PECAM1: variants seen among roughly 807,000 people sequenced by gnomAD.
PECAM1 encodes the protein platelet and endothelial cell adhesion molecule 1.
In PECAM1, 8 loss-of-function variants were observed where a neutral mutation model predicts 13.8. The observed-to-expected ratio is 0.58, with a 90% CI of 0.34 to 1.05. The LOEUF is 1.05. Among genes scored for constraint, PECAM1 ranks in the 50% least tolerant of loss-of-function variants. The probability of loss-of-function intolerance (pLI) is 0.03; values close to 1 mark genes in which losing one functional copy is unlikely to be tolerated. For synonymous variants in PECAM1, 136 were observed against 52.6 expected, an observed-to-expected ratio of 2.58 and a Z score of -6.86; for missense variants, 304 against 141.2, an observed-to-expected ratio of 2.15 and a Z score of -5.84.
chr17:64,367,410 T>A (rs11650644), intron 5 of PECAM1, among the ~76,000 whole-genome samples: 3 of 151,194 alleles, frequency 2.0e-5, no homozygotes, highest in African/African-American at 4.9e-5. Flanking sequence ...ATTATCTAGG[T>A]GTGGTGGTGC....
chr17:64,345,252 T>C (rs1175413221), intron 13 of PECAM1, among the ~76,000 whole-genome samples: 2 of 152,198 alleles, frequency 1.3e-5, no homozygotes, highest in East Asian at 3.9e-4. Context: ...GGCAGATCAC[T>C]GAAGGTTAGG....
At chr17:64,335,402 G>GAA (rs1283100478) in intron 14 of PECAM1, among the ~76,000 whole-genome samples, 2 of 142,112 alleles carry the variant, frequency 1.4e-5, no homozygotes, top group African/African-American at 2.6e-5. Flanking sequence ...GACCCTGTCT[G>GAA]AAAAAAAAAA....
At chr17:64,355,981 A>G in intron 8 of PECAM1, 130 bp downstream of exon 8, 1 of 447,822 alleles carries the variant, frequency 2.2e-6, no homozygotes, top group Non-Finnish European at 4.0e-6. Context: ...AAGAGCCTGG[A>G]GGACATTACT....
rs1025875473 is a variant in PECAM1 at position 64,349,171 on chromosome 17, T to C, written c.2045-849A>G. On this transcript the variant is annotated intron_variant, in intron 12 of 15. Coordinates refer to ENST00000563924, the MANE Select transcript of PECAM1 (RefSeq NM_000442.5). ...TACACGTGAATGAAATCACTCAGGG[T>C]ACTAAGGTGAAAGCTAGAAAAGTAG... Among the ~76,000 whole-genome samples, 5 of 152,290 alleles carry C rather than the reference T, an allele frequency of 3.3e-5. No homozygotes were observed. The South Asian group carries it at 1.0e-3, about 32-fold the overall frequency.
At chr17:64,388,369 G>C (rs1017134577) in intron 2 of PECAM1, among the ~76,000 whole-genome samples, 117 of 152,212 alleles carry the variant, frequency 7.7e-4, no homozygotes, top group Non-Finnish European at 1.2e-3. Context: ...AGTCGTAAAG[G>C]GGGGCTAGGA....
At chr17:64,361,909 C>T (rs908960983) in intron 6 of PECAM1, among the ~76,000 whole-genome samples, 42 of 152,142 alleles carry the variant, frequency 2.8e-4, no homozygotes, top group Non-Finnish European at 4.0e-4. Context: ...TAAAATAAAA[C>T]GTTATAACAC....
At chr17:64,323,956 G>A (rs1555645096) in intron 15 of PECAM1, 111 bp from the exon 16 acceptor site, 1 of 789,688 alleles carries the variant, frequency 1.3e-6, no homozygotes, top group Admixed American at 1.7e-5. Context: ...ATGCAAAGCA[G>A]GGCTGTCACA....
chr17:64,340,943 C>T (rs1183173472), intron 14 of PECAM1, among the ~76,000 whole-genome samples: 4 of 152,012 alleles, frequency 2.6e-5, no homozygotes, highest in African/African-American at 9.7e-5. Flanking sequence ...ACTAAAAATA[C>T]AAAATTAGCT....
At chr17:64,389,826 T>A (rs1364693231) in intron 2 of PECAM1, among the ~76,000 whole-genome samples, 3 of 152,256 alleles carry the variant, frequency 2.0e-5, no homozygotes, top group African/African-American at 7.2e-5. Flanking sequence ...GGCCAGCGGA[T>A]CACCTGAGGT....
chr17:64,327,652 C>T (rs1381698572), intron 15 of PECAM1, among the ~76,000 whole-genome samples: 1 of 152,170 alleles, frequency 6.6e-6, no homozygotes, highest in Non-Finnish European at 1.5e-5. Context: ...TGTTCTCTTC[C>T]ATGCTATCTG....
chr17:64,361,510 T>C (rs1384576191), intron 6 of PECAM1, among the ~76,000 whole-genome samples: 1 of 151,820 alleles, frequency 6.6e-6, no homozygotes, highest in Non-Finnish European at 1.5e-5. Flanking sequence ...TCCCAGCACT[T>C]TGGGAGGCCG....
At position 64,348,296 on chromosome 17, in the gene PECAM1, T is replaced by C. The variant is rs1401222985; in HGVS notation, c.2071A>G (p.Thr691Ala). The C allele has an allele frequency of 2.1e-6, 1 of 475,240 alleles. No homozygotes were observed. Among genetic ancestry groups the C allele is most frequent in the Non-Finnish European group, 3.9e-6 (1 of 259,060 alleles). 29.4% of individuals were successfully genotyped at this position (475,240 alleles called of 1,614,324 possible). A position where few individuals can be genotyped will look rare whatever the true frequency, so the allele number is the denominator to read the frequency against. The change falls in exon 13 of 16, where the codon ACG (threonine) becomes GCG (alanine). Residue 691 changes from threonine to alanine, a missense_variant. Coordinates refer to ENST00000563924, the MANE Select transcript of PECAM1 (RefSeq NM_000442.5). Reference sequence around the variant, plus strand: ...TCAGCTGAGGACACTTGAACTTCCGTGTACTGCACGTCTGAGTTCAGAGGC... The same window carrying C: ...TCAGCTGAGGACACTTGAACTTCCGCGTACTGCACGTCTGAGTTCAGAGGC... ...KEPLNSDVQY[T>A]EVQVSSAESH...
rs903026665 is a variant in PECAM1 at position 64,322,638 on chromosome 17, C to T, written c.*1178G>A. 2.2e-5 allele frequency: 22 copies of T among 985,378 alleles called. No homozygotes were observed. The East Asian group carries it at 2.5e-3, about 112-fold the overall frequency. The allele number at this position is 985,378 out of a possible 1,614,324, so 61.0% of individuals were successfully genotyped here. Reference sequence around the variant, plus strand: ...GTGAAATTCCACAGCGCAATGACAGCAGCCTCTCTCCCACCCACTCAAGAC... The same window carrying T: ...GTGAAATTCCACAGCGCAATGACAGTAGCCTCTCTCCCACCCACTCAAGAC... On this transcript the variant is annotated 3_prime_UTR_variant, in exon 16 of 16. Transcript: ENST00000563924.
intron 2 of PECAM1, among the ~76,000 whole-genome samples, chr17:64,380,927 C>T (rs2036468519): frequency 1.3e-5 from 2 of 152,148 alleles, no homozygotes; most frequent in African/African-American, 4.8e-5. Context: ...GCACAGGTTG[C>T]AGTAAGTTGA....
chr17:64,325,755 C>CA (rs11396302), intron 15 of PECAM1, among the ~76,000 whole-genome samples: 9,219 of 151,952 alleles, frequency 0.061, 963 homozygotes, highest in African/African-American at 0.21. Flanking sequence ...CACAAACAAA[C>CA]AAAAAAAGCA....
chr17:64,376,164 G>A (rs1330598860), intron 3 of PECAM1, among the ~76,000 whole-genome samples: 2 of 151,972 alleles, frequency 1.3e-5, no homozygotes, highest in South Asian at 2.1e-4. Flanking sequence ...AATTAGCCGG[G>A]CATGGTGGCA....
At chr17:64,387,375 G>T (rs897435088) in intron 2 of PECAM1, among the ~76,000 whole-genome samples, 1 of 151,864 alleles carries the variant, frequency 6.6e-6, no homozygotes, top group Admixed American at 6.6e-5. Context: ...TTTCAGAGAG[G>T]TTCGACTGAG....
At chr17:64,345,812 T>C (rs1258023106) in intron 13 of PECAM1, among the ~76,000 whole-genome samples, 1 of 151,694 alleles carries the variant, frequency 6.6e-6, no homozygotes, top group Non-Finnish European at 1.5e-5. Flanking sequence ...GTTGTGCAGA[T>C]TGGGCAGTAC....
At chr17:64,378,258 G>C (rs2036406267) in intron 2 of PECAM1, 141 bp from the exon 3 acceptor site, 1 of 396,686 alleles carries the variant, frequency 2.5e-6, no homozygotes. Flanking sequence ...TACAGGGCCA[G>C]GCTGATAGTA....
Sources: gnomAD v4.1 joint callset for allele counts (sites outside exome capture counted in the v4.1 genomes callset) on GRCh38, gnomAD v4.1.1 for gene constraint, MANE v1.5 for transcripts, NCBI Gene and HGNC (gene_info 2026-07-23, HGNC 2026-07-21) for gene names.